Variants in LRP12 observed in about 807,000 individuals in gnomAD.
LRP12 encodes LDL receptor related protein 12.
A neutral mutation model predicts 66.0 loss-of-function variants in LRP12; 14 were observed. The ratio of observed to expected loss-of-function variants is 0.21; its 90% CI spans 0.14 to 0.33. The LOEUF is 0.33. Among genes scored for constraint, LRP12 ranks in the 10% least tolerant of loss-of-function variants. The probability of loss-of-function intolerance (pLI) is 1.00; values close to 1 mark genes in which losing one functional copy is unlikely to be tolerated. For synonymous variants in LRP12, 357 were observed against 359.1 expected (o/e 0.99, Z 0.07); for missense variants, 889 against 1,053.4 (o/e 0.84, Z 2.16).
chr8:104,587,942 G>A (rs540096637), intron 1 of LRP12, among the ~76,000 whole-genome samples: 71 of 152,320 alleles, frequency 4.7e-4, no homozygotes, highest in African/African-American at 1.6e-3. Context: ...GAAGTCAGAA[G>A]TGTAACTTAA....
chr8:104,512,356 G>A (rs539903830), intron 2 of LRP12, among the ~76,000 whole-genome samples: 1 of 152,222 alleles, frequency 6.6e-6, no homozygotes, highest in South Asian at 2.1e-4. Context: ...TAAGCTAAAG[G>A]AAATCTTAAG....
At chr8:104,526,528 C>T (rs1811242157) in intron 2 of LRP12, among the ~76,000 whole-genome samples, 1 of 148,100 alleles carries the variant, frequency 6.8e-6, no homozygotes, top group South Asian at 2.1e-4. Flanking sequence ...AATAATGCTG[C>T]ATATCTACAA....
At position 104,497,583 on chromosome 8, in the gene LRP12, C is replaced by G. The variant is rs778120467; in HGVS notation, c.969G>C (p.Glu323Asp). 4 of 1,613,422 alleles carry G rather than the reference C, an allele frequency of 2.5e-6. No homozygotes were observed. In the Admixed American group the frequency reaches 5.0e-5, roughly 20 times the overall value. ...DYVKIYDGLE[E>D]NPHKLLRVLT... ...ACACACGCAAAAGCTTGTGTGGATT[C>G]TCCTCTAATCCATCATATATTTTGA... is the stretch of plus-strand genomic sequence containing the variant. Residue 323 changes from glutamate to aspartate, a missense_variant, in exon 5 of 7, where the codon GAG becomes GAC. Transcript: ENST00000276654. This position sits in a 1 kb window ranked among gnomAD's most constrained non-coding sequence, Gnocchi z 4.3.
At chr8:104,517,608 C>A (rs192465654) in intron 2 of LRP12, among the ~76,000 whole-genome samples, 1 of 151,992 alleles carries the variant, frequency 6.6e-6, no homozygotes, top group Non-Finnish European at 1.5e-5. Context: ...GAAAGTTTCA[C>A]GACAGCAAAA....
intron 5 of LRP12, 63 bp from the exon 6 acceptor site, chr8:104,495,272 T>C: frequency 1.3e-6 from 2 of 1,491,294 alleles, no homozygotes; most frequent in Non-Finnish European, 9.2e-7. Flanking sequence ...AACAATTTTC[T>C]ATTATCAGTA....
At chr8:104,547,253 TATATC>T (rs1187626504) in intron 1 of LRP12, among the ~76,000 whole-genome samples, 14 of 138,528 alleles carry the variant, frequency 1.0e-4, no homozygotes, top group Middle Eastern at 0.011. Context: ...ACAATTCTGT[TATATC>T]ATATTTTGTA....
chr8:104,537,066 G>GT (rs1207226354), intron 1 of LRP12, among the ~76,000 whole-genome samples: 1 of 148,104 alleles, frequency 6.8e-6, no homozygotes, highest in Admixed American at 6.7e-5. Flanking sequence ...AGAAAAATAT[G>GT]TAAAAAAAAA....
rs947467068 is a variant in LRP12 at position 104,555,894 on chromosome 8, T to C, written c.80-23931A>G. Among the ~76,000 whole-genome samples the C allele has an allele frequency of 3.9e-5, 6 of 152,028 alleles. No individual in the cohort carries two copies. In the East Asian group the frequency reaches 5.8e-4, roughly 15 times the overall value. Reference sequence around the variant, plus strand: ...ATCAGCACATGAACAGTCTCCAAGATAGACCAAATGAAAGGCCACAAACGA... The same window carrying C: ...ATCAGCACATGAACAGTCTCCAAGACAGACCAAATGAAAGGCCACAAACGA... On this transcript the variant is annotated intron_variant, in intron 1 of 6. Coordinates refer to ENST00000276654, the MANE Select transcript of LRP12 (RefSeq NM_013437.5).
chr8:104,548,248 TATA>T (rs1811644449), intron 1 of LRP12, among the ~76,000 whole-genome samples: 30 of 100,878 alleles, frequency 3.0e-4, no homozygotes, highest in Admixed American at 6.3e-4. Flanking sequence ...ATATACGATA[TATA>T]TTATATTAAT....
chr8:104,588,993 GCCGCCGAGCCA>G lies in LRP12; in HGVS notation c.-107_-97del. The stretch of plus-strand genomic sequence containing the variant: ...CGACGCCGCCGCCGCCGCCGCCGCC[GCCGCCGAGCCA>G]CCGGCTGCTCCCTGCGCTCTCCGCG... On this transcript the variant is annotated 5_prime_UTR_variant, in exon 1 of 7. Transcript: ENST00000276654. The G allele has an allele frequency of 5.5e-6, 5 of 904,854 alleles. No homozygotes were observed. Among genetic ancestry groups the G allele is most frequent in the South Asian group, 1.7e-5 (1 of 57,836 alleles). 56.1% of individuals were successfully genotyped at this position (904,854 alleles called of 1,614,324 possible). A position where few individuals can be genotyped will look rare whatever the true frequency, so the allele number is the denominator to read the frequency against.
At chr8:104,521,740 A>G (rs1811155234) in intron 2 of LRP12, among the ~76,000 whole-genome samples, 1 of 151,824 alleles carries the variant, frequency 6.6e-6, no homozygotes, top group Admixed American at 6.6e-5. Flanking sequence ...ACCCTAATGT[A>G]TTAATAATCA....
At chr8:104,518,600 TAACAC>T (rs1264896891) in intron 2 of LRP12, among the ~76,000 whole-genome samples, 5 of 152,096 alleles carry the variant, frequency 3.3e-5, no homozygotes, top group Admixed American at 6.6e-5. Context: ...TAATCTATAA[TAACAC>T]AGAGAAAATA....
chr8:104,574,066 T>C (rs1303569072), intron 1 of LRP12, among the ~76,000 whole-genome samples: 4 of 152,138 alleles, frequency 2.6e-5, no homozygotes, highest in South Asian at 2.1e-4. Flanking sequence ...TCAACAAGTA[T>C]TGTCTGGCAT....
At chr8:104,541,133 A>G (rs1457724022) in intron 1 of LRP12, among the ~76,000 whole-genome samples, 1 of 152,206 alleles carries the variant, frequency 6.6e-6, no homozygotes, top group African/African-American at 2.4e-5. Flanking sequence ...ATGTCTTGGA[A>G]ATAAGGATAT....
chr8:104,521,969 T>TA (rs1228428878), intron 2 of LRP12, among the ~76,000 whole-genome samples: 1 of 151,970 alleles, frequency 6.6e-6, no homozygotes, highest in Non-Finnish European at 1.5e-5. Flanking sequence ...TTTCTATATT[T>TA]AAAAAATAAT....
intron 6 of LRP12, 75 bp from the exon 7 acceptor site, chr8:104,491,614 T>C: frequency 9.2e-7 from 1 of 1,081,354 alleles, no homozygotes; most frequent in Non-Finnish European, 1.3e-6. Context: ...AACACCCTTC[T>C]ATTAAGAATG....
intron 1 of LRP12, among the ~76,000 whole-genome samples, chr8:104,572,186 T>C (rs190319445): frequency 6.6e-6 from 1 of 152,346 alleles, no homozygotes; most frequent in East Asian, 1.9e-4. Context: ...TCCATTTATA[T>C]GACATTCTTA....
chr8:104,581,908 CT>C (rs1812255061), intron 1 of LRP12, among the ~76,000 whole-genome samples: 1 of 152,136 alleles, frequency 6.6e-6, no homozygotes, highest in Admixed American at 6.6e-5. Context: ...GTTCTGTATT[CT>C]CTTAGCAAAA....
At chr8:104,518,763 TAA>T (rs1192512149) in intron 2 of LRP12, among the ~76,000 whole-genome samples, 1 of 152,020 alleles carries the variant, frequency 6.6e-6, no homozygotes, top group Non-Finnish European at 1.5e-5. Context: ...CTTTTAATGA[TAA>T]GAGAACATAT....
Sources: gnomAD v4.1 joint callset for allele counts (sites outside exome capture counted in the v4.1 genomes callset) on GRCh38, gnomAD v4.1.1 for gene constraint, Gnocchi (gnomAD v3.1) non-coding constraint, MANE v1.5 for transcripts, NCBI Gene and HGNC (gene_info 2026-07-23, HGNC 2026-07-21) for gene names.